The following PKIA variants were observed in gnomAD, a reference collection of about 807,000 sequenced individuals.
PKIA encodes cAMP-dependent protein kinase inhibitor alpha, also known as PKI-alpha.
PKIA carries 4 observed loss-of-function variants against 7.6 expected under a neutral mutation model. The observed-to-expected ratio is 0.52, with a 90% CI of 0.26 to 1.20. The LOEUF (loss-of-function observed/expected upper bound fraction) is 1.20, where lower values mean the gene tolerates loss of function less well. PKIA is among the 50% of genes most tolerant of loss of function. PKIA has a pLI of 0.13. For missense variants in PKIA, 73 were observed against 86.2 expected, an observed-to-expected ratio of 0.85 and a Z score of 0.61; for synonymous variants, 21 against 30.7, an observed-to-expected ratio of 0.68 and a Z score of 1.04.
At chr8:78,591,121 C>G (rs1052866757) in intron 2 of PKIA, 2 of 152,544 alleles carry the variant, frequency 1.3e-5, no homozygotes, top group African/African-American at 4.8e-5. Context: ...GTCTGTGAGT[C>G]TCATTTCATG....
At chr8:78,569,097 C>T (rs1210361809) in intron 1 of PKIA, among the ~76,000 whole-genome samples, 1 of 152,180 alleles carries the variant, frequency 6.6e-6, no homozygotes. Context: ...CCCGCCTCTA[C>T]TTGCCATCAG....
rs560633283 is a variant in PKIA, at chr8:78,584,843, G to A, written c.-28+11904G>A. On this transcript the variant is annotated intron_variant, in intron 2 of 3. Coordinates refer to ENST00000396418, the MANE Select transcript of PKIA (RefSeq NM_006823.4). ...AGGAAAGATTTTGAGATCTTTTAAC[G>A]TCTCAGTTCACAGAGACCTCTTCCT... Among the ~76,000 whole-genome samples the A allele has an allele frequency of 2.9e-4, 44 of 152,074 alleles. No homozygotes were observed. The South Asian group carries it at 8.9e-3, about 31-fold the overall frequency.
At chr8:78,555,403 A>G (rs972796463) in intron 1 of PKIA, among the ~76,000 whole-genome samples, 1 of 152,008 alleles carries the variant, frequency 6.6e-6, no homozygotes, top group Non-Finnish European at 1.5e-5. Context: ...ATAGAAAAGA[A>G]AGGCTAAAGG....
At chr8:78,549,244 G>A (rs1470735880) in intron 1 of PKIA, among the ~76,000 whole-genome samples, 1 of 151,916 alleles carries the variant, frequency 6.6e-6, no homozygotes, top group Non-Finnish European at 1.5e-5. Context: ...TTTCCTTAAT[G>A]TTCAGATGCT....
chr8:78,534,324 A>G (rs1806464888), intron 1 of PKIA: 2 of 152,156 alleles, frequency 1.3e-5, no homozygotes, highest in African/African-American at 2.4e-5. Flanking sequence ...CCCCAGCGCA[A>G]GAACACACCC....
At chr8:78,562,390 C>A (rs142872456) in intron 1 of PKIA, among the ~76,000 whole-genome samples, 1 of 152,176 alleles carries the variant, frequency 6.6e-6, no homozygotes, top group African/African-American at 2.4e-5. Context: ...TCTTTAAAAC[C>A]ACAAAGCATA....
At chr8:78,576,432 G>A (rs1051369323) in intron 2 of PKIA, among the ~76,000 whole-genome samples, 2 of 151,838 alleles carry the variant, frequency 1.3e-5, no homozygotes, top group Non-Finnish European at 2.9e-5. Flanking sequence ...AATAAGAGTC[G>A]ATTTTCTTAA....
At chr8:78,530,832 G>C (rs912901785) in intron 1 of PKIA, among the ~76,000 whole-genome samples, 7 of 152,144 alleles carry the variant, frequency 4.6e-5, no homozygotes, top group Admixed American at 3.3e-4. Context: ...AAAGATAACT[G>C]AAATTCACAG....
chr8:78,550,181 T>C (rs1271073119), intron 1 of PKIA, among the ~76,000 whole-genome samples: 1 of 152,132 alleles, frequency 6.6e-6, no homozygotes, highest in African/African-American at 2.4e-5. Context: ...TGCTGTGAGC[T>C]AGTGAAAAAT....
Position 78,596,343 on chromosome 8 carries a change from G to T in PKIA, c.-27-2015G>T, listed in dbSNP as rs142690237. On this transcript the variant is annotated intron_variant, in intron 2 of 3. Transcript: ENST00000396418. Reference sequence around the variant, plus strand: ...TGATCTCCGCCTCCCGGGTTCAAGTGATTCTCCTGTTTCAGCCTCTTGAGT... The same window carrying T: ...TGATCTCCGCCTCCCGGGTTCAAGTTATTCTCCTGTTTCAGCCTCTTGAGT... Among the ~76,000 whole-genome samples, 724 of 152,188 alleles carry T rather than the reference G, an allele frequency of 4.8e-3. 9 individuals are homozygous for T. Among genetic ancestry groups the T allele is most frequent in the African/African-American group, 0.016 (673 of 41,510 alleles).
intron 2 of PKIA, among the ~76,000 whole-genome samples, chr8:78,590,733 G>A (rs1808074980): frequency 6.6e-6 from 1 of 151,754 alleles, no homozygotes. Flanking sequence ...TATTTGAGGT[G>A]AATTAATACT....
chr8:78,601,636 G>C (rs1808349289), intron 3 of PKIA, 106 bp from the exon 4 acceptor site: 1 of 813,162 alleles, frequency 1.2e-6, no homozygotes, highest in South Asian at 1.5e-5. Context: ...AAGGTTTCAG[G>C]CCTATTTAGT....
At chr8:78,580,634 A>G (rs947954657) in intron 2 of PKIA, among the ~76,000 whole-genome samples, 1 of 152,066 alleles carries the variant, frequency 6.6e-6, no homozygotes, top group Non-Finnish European at 1.5e-5. Flanking sequence ...CAACCACTCA[A>G]TACAGATAGT....
rs145515065 is a variant in PKIA, at chr8:78,586,791, G to GT, written c.-27-11566dup. On this transcript the variant is annotated intron_variant, in intron 2 of 3. Coordinates refer to ENST00000396418, the MANE Select transcript of PKIA (RefSeq NM_006823.4). The stretch of plus-strand genomic sequence containing the variant: ...ACCCCACTGCAAACATTGGAAAATG[G>GT]TAACTGTAAATGGTTAAATCACCTA... Among the ~76,000 whole-genome samples, 830 of 152,248 alleles carry GT rather than the reference G, an allele frequency of 5.5e-3. 9 individuals are homozygous for GT. The highest frequency in any genetic ancestry group is 0.019 in the African/African-American group (770 of 41,560).
intron 2 of PKIA, among the ~76,000 whole-genome samples, chr8:78,578,657 C>G (rs1807734333): frequency 6.6e-6 from 1 of 151,972 alleles, no homozygotes; most frequent in Non-Finnish European, 1.5e-5. Flanking sequence ...GTTTGACTGG[C>G]TTTTAGAACA....
At chr8:78,586,299 C>T (rs1807948347) in intron 2 of PKIA, among the ~76,000 whole-genome samples, 1 of 152,118 alleles carries the variant, frequency 6.6e-6, no homozygotes, top group Non-Finnish European at 1.5e-5. Flanking sequence ...GTAGGAGATG[C>T]ATTTCATGAG....
chr8:78,554,903 T>G (rs968505786), intron 1 of PKIA, among the ~76,000 whole-genome samples: 1 of 152,072 alleles, frequency 6.6e-6, no homozygotes, highest in African/African-American at 2.4e-5. Flanking sequence ...AAATAAAAGA[T>G]TGTTTTAAAT....
intron 2 of PKIA, among the ~76,000 whole-genome samples, chr8:78,592,207 GA>G (rs1808116388): frequency 6.6e-6 from 1 of 152,026 alleles, no homozygotes; most frequent in Non-Finnish European, 1.5e-5. Context: ...TAATCATAGA[GA>G]AAATCTGGAG....
intron 1 of PKIA, among the ~76,000 whole-genome samples, chr8:78,524,678 T>C (rs1029386679): frequency 2.0e-5 from 3 of 151,926 alleles, no homozygotes; most frequent in African/African-American, 7.2e-5. Flanking sequence ...TTCTCCATAT[T>C]AGAGAATAAC....
Sources: allele counts gnomAD v4.1 joint callset (sites outside exome capture counted in the v4.1 genomes callset), GRCh38; gene constraint gnomAD v4.1.1; transcripts MANE v1.5; gene names NCBI Gene and HGNC (gene_info 2026-07-23, HGNC 2026-07-21).